Variants in RXYLT1 observed in about 807,000 individuals in gnomAD.
RXYLT1 encodes ribitol xylosyltransferase 1.
In RXYLT1, 41 loss-of-function variants were observed where a neutral mutation model predicts 43.5. The observed-to-expected ratio is 0.94, with a 90% CI of 0.73 to 1.22. The LOEUF is 1.22. RXYLT1 is among the 50% of genes most tolerant of loss of function. RXYLT1 has a pLI of 0.00. For synonymous variants in RXYLT1, 166 were observed against 194.4 expected, an observed-to-expected ratio of 0.85 and a Z score of 1.21; for missense variants, 514 against 532.0, an observed-to-expected ratio of 0.97 and a Z score of 0.33.
At chr12:63,798,636 A>G (rs1898086545) in intron 3 of RXYLT1, among the ~76,000 whole-genome samples, 1 of 152,204 alleles carries the variant, frequency 6.6e-6, no homozygotes, top group Non-Finnish European at 1.5e-5. Flanking sequence ...TGCAAGTTCA[A>G]AGCAGTACAG....
chr12:63,805,832 T>A (rs1898279154), intron 5 of RXYLT1: 1 of 153,618 alleles, frequency 6.5e-6, no homozygotes, highest in Admixed American at 6.5e-5. Context: ...GGACCTTGTA[T>A]TCTTCTGTGA....
At chr12:63,796,536 T>G (rs1364518315) in intron 3 of RXYLT1, among the ~76,000 whole-genome samples, 2 of 152,154 alleles carry the variant, frequency 1.3e-5, no homozygotes, top group African/African-American at 4.8e-5. Context: ...AATAAAGAGA[T>G]AAATGCCATT....
At chr12:63,806,676 G>C (rs1045739141) in intron 5 of RXYLT1, 1 of 152,236 alleles carries the variant, frequency 6.6e-6, no homozygotes, top group African/African-American at 2.4e-5. Flanking sequence ...GGTTTGAGTA[G>C]ATGTTTTCCT....
At chr12:63,798,022 T>C (rs1050735422) in intron 3 of RXYLT1, among the ~76,000 whole-genome samples, 7 of 152,092 alleles carry the variant, frequency 4.6e-5, no homozygotes, top group Non-Finnish European at 1.0e-4. Flanking sequence ...AATACAGAAA[T>C]AGCAAATCTG....
At chr12:63,793,586 A>G (rs898935788) in intron 3 of RXYLT1, among the ~76,000 whole-genome samples, 49 of 152,196 alleles carry the variant, frequency 3.2e-4, no homozygotes, top group African/African-American at 1.1e-3. Context: ...TACAATAGAA[A>G]TTCATCTCTT....
chr12:63,793,810 A>G (rs1424123873), intron 3 of RXYLT1, among the ~76,000 whole-genome samples: 1 of 152,258 alleles, frequency 6.6e-6, no homozygotes, highest in African/African-American at 2.4e-5. Context: ...ACAATTTGTC[A>G]TAGAATGGAT....
At chr12:63,784,845 C>G in intron 2 of RXYLT1, 125 bp from the exon 3 acceptor site, 1 of 715,670 alleles carries the variant, frequency 1.4e-6, no homozygotes, top group Non-Finnish European at 2.3e-6. Flanking sequence ...TGCCAACGGC[C>G]CAAAGGAGAG....
chr12:63,799,921 C>G (rs1002092349), intron 3 of RXYLT1, among the ~76,000 whole-genome samples: 1 of 152,114 alleles, frequency 6.6e-6, no homozygotes, highest in African/African-American at 2.4e-5. Context: ...CCCTCAGATT[C>G]TGCATATTGT....
intron 2 of RXYLT1, among the ~76,000 whole-genome samples, chr12:63,781,755 T>C (rs1897689027): frequency 6.6e-6 from 1 of 152,166 alleles, no homozygotes; most frequent in African/African-American, 2.4e-5. Context: ...AATTAGAGAA[T>C]GGGGCCCTGA....
In RXYLT1 at chr12:63,780,108, G is replaced by T; in HGVS notation, c.148G>T (p.Ala50Ser). The T allele has an allele frequency of 6.5e-7, 1 of 1,537,518 alleles. No individual in the cohort carries two copies. Among genetic ancestry groups the T allele is most frequent in the South Asian group, 1.2e-5 (1 of 84,500 alleles). ...PRGLRKGAAP[A>S]RERRGREQST... Reference sequence around the variant, plus strand: ...GGGCCTCAGGAAGGGGGCGGCCCCCGCGCGGGAGAGACGCGGCCGAGGTAG... The same window carrying T: ...GGGCCTCAGGAAGGGGGCGGCCCCCTCGCGGGAGAGACGCGGCCGAGGTAG... The change falls in exon 1 of 6, where the codon GCG (alanine) becomes TCG (serine). Residue 50 changes from alanine (A) to serine (S), a missense_variant. Transcript: ENST00000261234.
At position 63,779,916 on chromosome 12, in the gene RXYLT1, C is replaced by G. The variant is rs1329612036; in HGVS notation, c.-45C>G. 2 of 1,605,574 alleles carry G rather than the reference C, an allele frequency of 1.2e-6. No individual in the cohort carries two copies. Among genetic ancestry groups the G allele is most frequent in the Non-Finnish European group, 1.7e-6 (2 of 1,178,336 alleles). ...CCGCCGGTGTCGCGGATTCTCTTTC[C>G]GCCCGCTCCATGGCGGTGGATGCCT... On this transcript the variant is annotated 5_prime_UTR_variant, in exon 1 of 6. Transcript: ENST00000261234.
rs1209238709 is a variant in RXYLT1, at chr12:63,809,150, ATGTGTT to A, written c.*64_*69del. The A allele has an allele frequency of 5.7e-6, 7 of 1,231,974 alleles. No individual in the cohort carries two copies. The Middle Eastern group carries it at 1.7e-3, about 295-fold the overall frequency. The allele number at this position is 1,231,974 out of a possible 1,614,324, so 76.3% of individuals were successfully genotyped here. A position where few individuals can be genotyped will look rare whatever the true frequency, so the allele number is the denominator to read the frequency against. On this transcript the variant is annotated 3_prime_UTR_variant, in exon 6 of 6. Coordinates refer to ENST00000261234, the MANE Select transcript of RXYLT1 (RefSeq NM_014254.3). ...ATCATTTTGACTACTGGGTGTATAA[ATGTGTT>A]TGTGTGTGTATGTATTTATAGATGT...
intron 1 of RXYLT1, chr12:63,780,479 T>A: frequency 9.0e-7 from 1 of 1,112,208 alleles, no homozygotes; most frequent in South Asian, 3.5e-5. Context: ...GACATCCGTT[T>A]CCATGTTGAA....
At chr12:63,787,825 C>G (rs1897839589) in intron 3 of RXYLT1, among the ~76,000 whole-genome samples, 1 of 152,188 alleles carries the variant, frequency 6.6e-6, no homozygotes, top group South Asian at 2.1e-4. Flanking sequence ...TGGGGTTTCA[C>G]CATGTTGGCC....
chr12:63,780,184 G>T (rs1897643769), intron 1 of RXYLT1, 55 bp downstream of exon 1: 2 of 1,402,254 alleles, frequency 1.4e-6, no homozygotes, highest in South Asian at 3.2e-5. Flanking sequence ...TGGGGCTGCT[G>T]GGCGGCTGGG....
At chr12:63,798,173 C>CTT (rs1341227534) in intron 3 of RXYLT1, among the ~76,000 whole-genome samples, 4 of 152,166 alleles carry the variant, frequency 2.6e-5, no homozygotes, top group African/African-American at 9.7e-5. Flanking sequence ...TACCTACTCT[C>CTT]TGTCTGGTCC....
At chr12:63,783,385 C>G (rs1238102445) in intron 2 of RXYLT1, among the ~76,000 whole-genome samples, 2 of 151,814 alleles carry the variant, frequency 1.3e-5, no homozygotes, top group East Asian at 3.9e-4. Context: ...TGCTTGAACC[C>G]GGGAGGTGGA....
chr12:63,806,019 A>G (rs112980087), intron 5 of RXYLT1: 6 of 152,386 alleles, frequency 3.9e-5, no homozygotes, highest in African/African-American at 1.4e-4. Flanking sequence ...TTGTTTTTAA[A>G]TAGACAAATC....
At chr12:63,794,810 A>G (rs1897993171) in intron 3 of RXYLT1, among the ~76,000 whole-genome samples, 1 of 152,090 alleles carries the variant, frequency 6.6e-6, no homozygotes. Context: ...AAAAAATTAA[A>G]AATAAAACAG....
Sources: gnomAD v4.1 joint callset for allele counts (sites outside exome capture counted in the v4.1 genomes callset) on GRCh38, gnomAD v4.1.1 for gene constraint, MANE v1.5 for transcripts, NCBI Gene and HGNC (gene_info 2026-07-23, HGNC 2026-07-21) for gene names.